IL15: variants seen among roughly 807,000 people sequenced by gnomAD.
IL15 encodes interleukin-15.
A neutral mutation model predicts 19.6 loss-of-function variants in IL15; 11 were observed. The ratio of observed to expected loss-of-function variants is 0.56; its 90% CI spans 0.35 to 0.93. The LOEUF is 0.93. IL15 is among the 40% of genes least tolerant of loss of function. The pLI is 0.01. For missense variants in IL15, 197 were observed against 186.5 expected (o/e 1.06, Z -0.33); for synonymous variants, 58 against 59.6 (o/e 0.97, Z 0.12).
chr4:141,698,367 G>A (rs1243575778), intron 2 of IL15, among the ~76,000 whole-genome samples: 1 of 151,856 alleles, frequency 6.6e-6, no homozygotes, highest in Non-Finnish European at 1.5e-5. Flanking sequence ...GATTTAGGGA[G>A]GATTCTCTCT....
At chr4:141,643,790 A>G (rs1238029781) in intron 1 of IL15, among the ~76,000 whole-genome samples, 1 of 151,824 alleles carries the variant, frequency 6.6e-6, no homozygotes, top group Non-Finnish European at 1.5e-5. Flanking sequence ...TACATTGATG[A>G]TTCACAAATG....
intron 2 of IL15, among the ~76,000 whole-genome samples, chr4:141,705,116 C>T (rs951065670): frequency 1.3e-5 from 2 of 151,404 alleles, no homozygotes; most frequent in Non-Finnish European, 3.0e-5. Flanking sequence ...TTCCTTCTAC[C>T]AATTTTGGGT....
chr4:141,674,969 T>C (rs2152169432), intron 2 of IL15, among the ~76,000 whole-genome samples: 1 of 152,300 alleles, frequency 6.6e-6, no homozygotes, highest in African/African-American at 2.4e-5. Context: ...AATCAAGGTG[T>C]CAGCCAGGCT....
At chr4:141,705,964 T>G (rs140623166) in intron 2 of IL15, among the ~76,000 whole-genome samples, 199 of 152,028 alleles carry the variant, frequency 1.3e-3, no homozygotes, top group Admixed American at 3.0e-3. Context: ...GTCTGTGTTA[T>G]GCTTGTTGGC....
At chr4:141,665,675 G>A (rs1727947293) in intron 2 of IL15, among the ~76,000 whole-genome samples, 1 of 152,046 alleles carries the variant, frequency 6.6e-6, no homozygotes. Flanking sequence ...TTTCAATCTA[G>A]TTTTATTGAT....
At chr4:141,648,611 TA>T (rs1727305504) in intron 1 of IL15, among the ~76,000 whole-genome samples, 2 of 151,996 alleles carry the variant, frequency 1.3e-5, no homozygotes, top group South Asian at 2.1e-4. Context: ...GTTATGCTGT[TA>T]AAAAAATTTG....
chr4:141,698,423 T>C (rs766922302), intron 2 of IL15, among the ~76,000 whole-genome samples: 15 of 152,122 alleles, frequency 9.9e-5, no homozygotes, highest in Non-Finnish European at 1.3e-4. Flanking sequence ...AATTCTTCTT[T>C]GAATGTCTGA....
intron 1 of IL15, among the ~76,000 whole-genome samples, chr4:141,640,381 G>T (rs1164345809): frequency 6.6e-6 from 1 of 151,898 alleles, no homozygotes; most frequent in South Asian, 2.1e-4. Flanking sequence ...ACTCCACTGA[G>T]ATTTATCTTG....
chr4:141,656,410 A>G (rs1487597711), intron 2 of IL15, 103 bp downstream of exon 2: 3 of 394,888 alleles, frequency 7.6e-6, no homozygotes, highest in Non-Finnish European at 1.3e-5. Flanking sequence ...AGTTATATAT[A>G]CTCACAGCTT....
chr4:141,726,170 C>T (rs1907949), intron 5 of IL15, among the ~76,000 whole-genome samples: 21,652 of 151,982 alleles, frequency 0.14, 1,986 homozygotes, highest in East Asian at 0.41. Context: ...TTGGAGGGGA[C>T]ATTCAAACCA....
intron 2 of IL15, among the ~76,000 whole-genome samples, chr4:141,661,322 A>AG (rs1170501367): frequency 6.6e-6 from 1 of 152,192 alleles, no homozygotes; most frequent in Non-Finnish European, 1.5e-5. Flanking sequence ...AAACTCAAAT[A>AG]GGGAGTCATT....
intron 5 of IL15, among the ~76,000 whole-genome samples, chr4:141,725,930 C>A (rs1730246227): frequency 6.6e-6 from 1 of 152,240 alleles, no homozygotes; most frequent in South Asian, 2.1e-4. Flanking sequence ...CTGGTGGGGG[C>A]TCTCTGGAGT....
intron 2 of IL15, 186 bp from the exon 3 acceptor site, chr4:141,719,180 A>G (rs894252167): frequency 1.6e-5 from 5 of 303,822 alleles, no homozygotes; most frequent in African/African-American, 1.1e-4. Flanking sequence ...CTATGGGCCT[A>G]GAGTAGCTTA....
rs766099289 is a variant in IL15, at chr4:141,650,345, G to GA, written c.-221-5835dup. On this transcript the variant is annotated intron_variant, in intron 1 of 7. Coordinates refer to ENST00000320650, the MANE Select transcript of IL15 (RefSeq NM_000585.5). ...GATAGTTAGATCTAAGCTGTGAGAT[G>GA]AAAAAATCCCTCAATGTCTACTAGT... Among the ~76,000 whole-genome samples, 7 of 152,148 alleles carry GA rather than the reference G, an allele frequency of 4.6e-5. No homozygotes were observed. The South Asian group carries it at 8.3e-4, about 18-fold the overall frequency.
At chr4:141,640,945 A>AT (rs1727021109) in intron 1 of IL15, among the ~76,000 whole-genome samples, 1 of 152,314 alleles carries the variant, frequency 6.6e-6, no homozygotes, top group African/African-American at 2.4e-5. Context: ...TGTAAGGTTG[A>AT]TGGCGGTGGT....
intron 2 of IL15, among the ~76,000 whole-genome samples, chr4:141,692,844 G>A (rs993800434): frequency 4.6e-5 from 7 of 151,426 alleles, no homozygotes; most frequent in Admixed American, 3.3e-4. Flanking sequence ...CTGTTCCAAC[G>A]TCTGCCTATT....
chr4:141,643,232 G>A (rs1394774856), intron 1 of IL15, among the ~76,000 whole-genome samples: 1 of 151,854 alleles, frequency 6.6e-6, no homozygotes, highest in East Asian at 1.9e-4. Flanking sequence ...TGTCTCTTAT[G>A]GGTCTTTCCC....
chr4:141,641,777 G>C (rs186386971), intron 1 of IL15, among the ~76,000 whole-genome samples: 100 of 150,834 alleles, frequency 6.6e-4, no homozygotes, highest in Non-Finnish European at 7.4e-4. Flanking sequence ...CCAACATGGC[G>C]CATGTATACA....
chr4:141,677,746 G>A (rs568899218), intron 2 of IL15, among the ~76,000 whole-genome samples: 2 of 152,286 alleles, frequency 1.3e-5, no homozygotes, highest in South Asian at 2.1e-4. Context: ...GCCAGATAAA[G>A]TTCTCTGCTT....
Sources: allele counts gnomAD v4.1 joint callset (sites outside exome capture counted in the v4.1 genomes callset), GRCh38; gene constraint gnomAD v4.1.1; transcripts MANE v1.5; gene names NCBI Gene and HGNC (gene_info 2026-07-23, HGNC 2026-07-21).